TSHZ2: variants seen among roughly 807,000 people sequenced by gnomAD.
The protein encoded by TSHZ2 is teashirt homolog 2.
A neutral mutation model predicts 74.4 loss-of-function variants in TSHZ2; 21 were observed. The ratio of observed to expected loss-of-function variants is 0.28; its 90% CI spans 0.20 to 0.41. The LOEUF (loss-of-function observed/expected upper bound fraction) is 0.41, where lower values mean the gene tolerates loss of function less well. TSHZ2 is among the 10% of genes least tolerant of loss of function. The pLI, the probability that TSHZ2 is intolerant of heterozygous loss-of-function variation, is 1.00. For missense variants in TSHZ2, 1,244 were observed against 1,293.5 expected (o/e 0.96, Z 0.59); for synonymous variants, 540 against 515.3 (o/e 1.05, Z -0.65).
At chr20:52,977,421 TACACACACACACACACACACACAC>T (rs36230826) in intron 1 of TSHZ2, among the ~76,000 whole-genome samples, 8 of 141,472 alleles carry the variant, frequency 5.7e-5, no homozygotes, top group East Asian at 2.0e-4. Context: ...AATGGAAAAA[TACACACACACACACACACACACAC>T]ACACACACAC....
At chr20:53,211,985 T>A (rs1024435574) in intron 1 of TSHZ2, among the ~76,000 whole-genome samples, 40 of 152,218 alleles carry the variant, frequency 2.6e-4, no homozygotes, top group Non-Finnish European at 1.5e-4. Flanking sequence ...AAACTGCTGA[T>A]GGCCACCCTG....
At chr20:53,372,959 T>C (rs2145625971) in intron 2 of TSHZ2, among the ~76,000 whole-genome samples, 1 of 152,020 alleles carries the variant, frequency 6.6e-6, no homozygotes, top group Admixed American at 6.5e-5. Context: ...TGCCCTTACC[T>C]TTCCAGCCAC....
chr20:53,340,739 C>A (rs1256467165), intron 2 of TSHZ2, among the ~76,000 whole-genome samples: 2 of 152,178 alleles, frequency 1.3e-5, no homozygotes, highest in East Asian at 1.9e-4. Context: ...TCTGAAGCTC[C>A]TGTAATGTAA....
At chr20:53,423,960 G>T (rs532217071) in intron 2 of TSHZ2, among the ~76,000 whole-genome samples, 1 of 152,174 alleles carries the variant, frequency 6.6e-6, no homozygotes, top group African/African-American at 2.4e-5. Context: ...TAAACACCCC[G>T]ACGACGCGCA....
intron 1 of TSHZ2, among the ~76,000 whole-genome samples, chr20:53,125,766 G>A (rs1248350343): frequency 6.6e-6 from 1 of 152,134 alleles, no homozygotes; most frequent in African/African-American, 2.4e-5. Flanking sequence ...TGATGCAGTT[G>A]TAGATGAGCT....
chr20:53,299,983 T>C (rs1055659383), intron 2 of TSHZ2, among the ~76,000 whole-genome samples: 2 of 152,242 alleles, frequency 1.3e-5, no homozygotes, highest in South Asian at 2.1e-4. Flanking sequence ...TCTTATTTAC[T>C]TCCCTCGTGC....
intron 2 of TSHZ2, among the ~76,000 whole-genome samples, chr20:53,310,279 A>C (rs1383511739): frequency 6.6e-6 from 1 of 152,174 alleles, no homozygotes; most frequent in Non-Finnish European, 1.5e-5. Flanking sequence ...AAATGCATTT[A>C]CCTCTGTGGG....
chr20:53,119,731 T>G (rs1409374179), intron 1 of TSHZ2, among the ~76,000 whole-genome samples: 1 of 152,258 alleles, frequency 6.6e-6, no homozygotes, highest in Admixed American at 6.5e-5. Context: ...TAATTTTGCT[T>G]GTTTAATGTG....
intron 1 of TSHZ2, among the ~76,000 whole-genome samples, chr20:53,202,468 C>T (rs1435028009): frequency 6.6e-6 from 1 of 152,052 alleles, no homozygotes; most frequent in Non-Finnish European, 1.5e-5. Flanking sequence ...TTTATATGCC[C>T]CCTTAATCAT....
intron 1 of TSHZ2, among the ~76,000 whole-genome samples, chr20:53,012,824 G>A (rs1409478060): frequency 2.0e-5 from 3 of 151,918 alleles, no homozygotes; most frequent in East Asian, 3.9e-4. Flanking sequence ...TCTGTCCCTC[G>A]CACCTGCCAC....
At chr20:53,166,503 G>T (rs1297311106) in intron 1 of TSHZ2, among the ~76,000 whole-genome samples, 1 of 152,196 alleles carries the variant, frequency 6.6e-6, no homozygotes, top group African/African-American at 2.4e-5. Context: ...AGGAGTGGTG[G>T]CTCATGCATG....
At chr20:53,209,617 G>T (rs1989253340) in intron 1 of TSHZ2, among the ~76,000 whole-genome samples, 2 of 152,160 alleles carry the variant, frequency 1.3e-5, no homozygotes, top group South Asian at 4.1e-4. Context: ...GGTTTTAAGA[G>T]TGCTAATCAG....
At chr20:53,127,073 AGAG>A (rs1986968089) in intron 1 of TSHZ2, among the ~76,000 whole-genome samples, 1 of 152,222 alleles carries the variant, frequency 6.6e-6, no homozygotes, top group African/African-American at 2.4e-5. Flanking sequence ...GAAAGAGAGA[AGAG>A]AGAGCGAATG....
At chr20:53,394,859 CAAAAAAAAAAAAAA>C (rs1005992034) in intron 2 of TSHZ2, among the ~76,000 whole-genome samples, 7 of 44,126 alleles carry the variant, frequency 1.6e-4, no homozygotes, top group South Asian at 8.3e-4. Context: ...CAGAACTCAC[CAAAAAAAAAAAAAA>C]AAAAAAAAAA....
intron 1 of TSHZ2, among the ~76,000 whole-genome samples, chr20:53,224,526 G>A (rs1459822874): frequency 6.6e-6 from 1 of 152,180 alleles, no homozygotes; most frequent in African/African-American, 2.4e-5. Context: ...ACTGTGAAAT[G>A]TTAGTGCATT....
At chr20:53,081,943 T>A (rs978311641) in intron 1 of TSHZ2, among the ~76,000 whole-genome samples, 18 of 151,620 alleles carry the variant, frequency 1.2e-4, no homozygotes, top group African/African-American at 4.1e-4. Flanking sequence ...TCGCCCAGGC[T>A]GGAGTGCAGT....
intron 1 of TSHZ2, among the ~76,000 whole-genome samples, chr20:52,989,607 A>C (rs1210665624): frequency 1.3e-5 from 2 of 152,196 alleles, no homozygotes; most frequent in Non-Finnish European, 2.9e-5. Context: ...CTATTATGAG[A>C]AGTTAAAAAG....
At chr20:53,287,211 A>G (rs1600790708) in intron 2 of TSHZ2, among the ~76,000 whole-genome samples, 2 of 152,314 alleles carry the variant, frequency 1.3e-5, no homozygotes, top group African/African-American at 4.8e-5. Flanking sequence ...AGACATAATA[A>G]TGATACGAGC....
chr20:53,202,630 T>C (rs1160485598), intron 1 of TSHZ2, among the ~76,000 whole-genome samples: 2 of 152,208 alleles, frequency 1.3e-5, no homozygotes, highest in African/African-American at 2.4e-5. Context: ...TTGAGACTTA[T>C]GCAAATCACC....
Sources: gnomAD v4.1 joint callset for allele counts (sites outside exome capture counted in the v4.1 genomes callset) on GRCh38, gnomAD v4.1.1 for gene constraint, MANE v1.5 for transcripts, NCBI Gene and HGNC (gene_info 2026-07-23, HGNC 2026-07-21) for gene names.